UNC5A: variants seen among roughly 807,000 people sequenced by gnomAD.
UNC5A encodes netrin receptor UNC5A.
Under a neutral mutation model 87.4 loss-of-function variants are expected in UNC5A, and 20 were observed. The observed-to-expected ratio is 0.23, with a 90% CI of 0.16 to 0.33. The LOEUF is 0.33. Ranked by LOEUF, UNC5A falls within the 10% of genes least tolerant of loss-of-function variation. The pLI is 1.00. For missense variants in UNC5A, 844 were observed against 1,133.4 expected (o/e 0.74, Z 3.67); for synonymous variants, 438 against 482.3 (o/e 0.91, Z 1.20).
chr5:176,843,362 C>T (rs1176926187), intron 1 of UNC5A, among the ~76,000 whole-genome samples: 1 of 151,726 alleles, frequency 6.6e-6, no homozygotes, highest in Non-Finnish European at 1.5e-5. Flanking sequence ...AAGCCAGACA[C>T]GAAGGACTCC....
intron 1 of UNC5A, among the ~76,000 whole-genome samples, chr5:176,862,047 G>A (rs962517756): frequency 6.6e-6 from 1 of 152,246 alleles, no homozygotes; most frequent in Non-Finnish European, 1.5e-5. Context: ...ACATATTCAG[G>A]TCTCCTTGAA....
chr5:176,830,142 T>A (rs554846535), intron 1 of UNC5A, among the ~76,000 whole-genome samples: 1 of 152,176 alleles, frequency 6.6e-6, no homozygotes, highest in African/African-American at 2.4e-5. Flanking sequence ...CCTCTCTGGG[T>A]GCCATGAGAA....
chr5:176,850,718 C>T (rs1359519478), intron 1 of UNC5A, among the ~76,000 whole-genome samples: 1 of 152,172 alleles, frequency 6.6e-6, no homozygotes, highest in African/African-American at 2.4e-5. Flanking sequence ...TGAGTGGGAG[C>T]TGGGTTTGTC....
At chr5:176,816,954 G>T (rs1463552942) in intron 1 of UNC5A, among the ~76,000 whole-genome samples, 1 of 152,244 alleles carries the variant, frequency 6.6e-6, no homozygotes, top group Non-Finnish European at 1.5e-5. Flanking sequence ...TTCTTGTCAT[G>T]CAAGGGCAGG....
intron 1 of UNC5A, among the ~76,000 whole-genome samples, chr5:176,817,956 G>A (rs1756634192): frequency 6.6e-6 from 1 of 152,054 alleles, no homozygotes; most frequent in African/African-American, 2.4e-5. Context: ...GCCCGCGGCC[G>A]CCCGCCGGAT....
Position 176,868,113 on chromosome 5 carries a change from G to A in UNC5A, c.293-17G>A. On this transcript the variant is annotated splice_polypyrimidine_tract_variant and intron_variant, in intron 2 of 14. Transcript: ENST00000329542. The stretch of plus-strand genomic sequence containing the variant: ...GGTGGCCCTGGGGCTCTGACTACCT[G>A]CCCCTCCCGCCCCCAGGGCTGCCCA... 6.2e-7 allele frequency: 1 copy of A among 1,608,026 alleles called. No individual in the cohort carries two copies. Among genetic ancestry groups the A allele is most frequent in the Non-Finnish European group, 8.5e-7 (1 of 1,177,308 alleles).
At chr5:176,862,050 T>A (rs1432848779) in intron 1 of UNC5A, among the ~76,000 whole-genome samples, 1 of 152,234 alleles carries the variant, frequency 6.6e-6, no homozygotes, top group Non-Finnish European at 1.5e-5. Flanking sequence ...TATTCAGGTC[T>A]CCTTGAAGGA....
intron 1 of UNC5A, among the ~76,000 whole-genome samples, chr5:176,843,662 G>A (rs1184314615): frequency 6.6e-6 from 1 of 152,260 alleles, no homozygotes; most frequent in Admixed American, 6.5e-5. Flanking sequence ...ATTATTATTA[G>A]TGTGACCATT....
Position 176,879,784 on chromosome 5 carries a change from G to A in UNC5A, c.2427G>A (p.Ala809=), listed in dbSNP as rs202028584. ...CCATGATCCTCAACCTGTGGGAGGC[G>A]CGGCACTTCCCCAACGGCAACCTCA... ...PTAMILNLWE[A]RHFPNGNLSQ... is the part of the protein sequence containing the mutation. Residue 809 remains alanine (A), a synonymous_variant, in exon 15 of 15, where the codon GCG becomes GCA. Coordinates refer to ENST00000329542, the MANE Select transcript of UNC5A (RefSeq NM_133369.3). 578 of 1,613,432 alleles carry A rather than the reference G, an allele frequency of 3.6e-4. 1 individual carries two copies. The highest frequency in any genetic ancestry group is 4.7e-4 in the Non-Finnish European group (549 of 1,179,894).
chr5:176,858,691 C>T (rs1757723977), intron 1 of UNC5A, among the ~76,000 whole-genome samples: 1 of 111,492 alleles, frequency 9.0e-6, no homozygotes, highest in Non-Finnish European at 1.8e-5. Flanking sequence ...TGGACAAGTA[C>T]ATGGAAAGCG....
chr5:176,835,561 G>A (rs896943761), intron 1 of UNC5A, among the ~76,000 whole-genome samples: 2 of 152,210 alleles, frequency 1.3e-5, no homozygotes, highest in African/African-American at 2.4e-5. Flanking sequence ...CTTCCCGCCT[G>A]TCAAACACAT....
intron 4 of UNC5A, 36 bp downstream of exon 4, chr5:176,868,700 G>T (rs1193545992): frequency 4.4e-6 from 7 of 1,590,594 alleles, no homozygotes; most frequent in Non-Finnish European, 6.0e-6. Context: ...CTGGACCTGG[G>T]CTCCTGCCTG....
chr5:176,831,906 T>TAG (rs1757039251), intron 1 of UNC5A, among the ~76,000 whole-genome samples: 1 of 64,300 alleles, frequency 1.6e-5, no homozygotes, highest in Non-Finnish European at 3.4e-5. Flanking sequence ...TTTTTTTTTT[T>TAG]TTTTTTTTGA....
chr5:176,870,264 C>A, intron 5 of UNC5A, 106 bp from the exon 6 acceptor site: 1 of 1,419,314 alleles, frequency 7.0e-7, no homozygotes, highest in Non-Finnish European at 9.6e-7. Flanking sequence ...ATCCAGGCTG[C>A]CTTGCACTGC....
chr5:176,839,256 A>T (rs1393374063), intron 1 of UNC5A, among the ~76,000 whole-genome samples: 2 of 152,202 alleles, frequency 1.3e-5, no homozygotes, highest in East Asian at 1.9e-4. Flanking sequence ...ACTGAAGGGG[A>T]TAAGTGGATT....
intron 1 of UNC5A, among the ~76,000 whole-genome samples, chr5:176,830,518 G>A (rs1286033507): frequency 6.7e-6 from 1 of 149,180 alleles, no homozygotes; most frequent in African/African-American, 2.5e-5. Flanking sequence ...GTGCTGGCAT[G>A]TGTGTGTGTG....
intron 1 of UNC5A, among the ~76,000 whole-genome samples, chr5:176,856,794 G>A (rs1410530239): frequency 6.6e-6 from 1 of 152,022 alleles, no homozygotes; most frequent in Non-Finnish European, 1.5e-5. Context: ...CCTCACGCAG[G>A]GAGAGCACAC....
At chr5:176,829,024 G>C (rs936700138) in intron 1 of UNC5A, among the ~76,000 whole-genome samples, 2 of 152,050 alleles carry the variant, frequency 1.3e-5, no homozygotes, top group Admixed American at 1.3e-4. Context: ...CCACTCAGGA[G>C]GCTGAGGCAG....
rs1227813047 is a variant in UNC5A at position 176,866,489 on chromosome 5, G to A, written c.293-1641G>A. ...TAGTGCTGTTCTCCCAAGCTGAGCC[G>A]CCTGGGCCATGGGTGAGGCTCCTGA... On this transcript the variant is annotated intron_variant, in intron 2 of 14. Coordinates refer to ENST00000329542, the MANE Select transcript of UNC5A (RefSeq NM_133369.3). The surrounding 1 kb of genome is among the most constrained non-coding windows in gnomAD (Gnocchi z 5.0). Among the ~76,000 whole-genome samples the A allele has an allele frequency of 2.0e-5, 3 of 152,162 alleles. No individual in the cohort carries two copies. The highest frequency in any genetic ancestry group is 3.9e-4 in the East Asian group (2 of 5,192).
Sources: allele counts gnomAD v4.1 joint callset (sites outside exome capture counted in the v4.1 genomes callset), GRCh38; gene constraint gnomAD v4.1.1; non-coding constraint Gnocchi (gnomAD v3.1); transcripts MANE v1.5; gene names NCBI Gene and HGNC (gene_info 2026-07-23, HGNC 2026-07-21).